Variants in PSD3 observed in about 807,000 individuals in gnomAD.
PSD3 encodes the protein pleckstrin and Sec7 domain containing 3.
Under a neutral mutation model 105.5 loss-of-function variants are expected in PSD3, and 49 were observed. That is an observed-to-expected ratio of 0.46 (90% CI 0.37 to 0.59). PSD3 has a LOEUF of 0.59. Among genes scored for constraint, PSD3 ranks in the 20% least tolerant of loss-of-function variants. The pLI is 0.00. For missense variants in PSD3, 1,561 were observed against 1,263.8 expected, an observed-to-expected ratio of 1.24 and a Z score of -3.57; for synonymous variants, 557 against 457.8, an observed-to-expected ratio of 1.22 and a Z score of -2.77.
chr8:18,635,275 T>A (rs1401984399), intron 10 of PSD3, among the ~76,000 whole-genome samples: 1 of 152,158 alleles, frequency 6.6e-6, no homozygotes, highest in African/African-American at 2.4e-5. Flanking sequence ...CCAAGGAGCC[T>A]TGGTTCTTCT....
chr8:19,071,024 A>G (rs1431335688), intron 1 of PSD3, among the ~76,000 whole-genome samples: 1 of 151,304 alleles, frequency 6.6e-6, no homozygotes, highest in Admixed American at 6.6e-5. Context: ...TTTTCTCCTG[A>G]TCATTTTTTT....
intron 9 of PSD3, among the ~76,000 whole-genome samples, chr8:18,659,386 G>C (rs901745784): frequency 6.6e-6 from 1 of 152,160 alleles, no homozygotes; most frequent in Non-Finnish European, 1.5e-5. Flanking sequence ...AACAAAATGG[G>C]ATTTCAGAAC....
At chr8:19,059,063 A>G (rs898124437) in intron 1 of PSD3, among the ~76,000 whole-genome samples, 1 of 152,222 alleles carries the variant, frequency 6.6e-6, no homozygotes, top group African/African-American at 2.4e-5. Context: ...GGTTAGCTGT[A>G]TTGAGGCTGA....
chr8:18,827,642 C>A (rs934848415), intron 4 of PSD3, among the ~76,000 whole-genome samples: 4 of 152,012 alleles, frequency 2.6e-5, no homozygotes, highest in Admixed American at 6.6e-5. Flanking sequence ...GAGGGTGAGA[C>A]TGAAGATGGG....
chr8:18,842,932 C>T (rs1465115021), intron 4 of PSD3, among the ~76,000 whole-genome samples: 1 of 152,194 alleles, frequency 6.6e-6, no homozygotes, highest in East Asian at 1.9e-4. Flanking sequence ...CAGGCATGGA[C>T]TTTCCTTGAG....
chr8:19,084,595 G>A (rs1829750150), exon 1 of PSD3: 2 of 355,778 alleles, frequency 5.6e-6, no homozygotes, highest in Admixed American at 3.7e-5. Flanking sequence ...TTGGAGGCAG[G>A]GGCCTGGCAA....
At chr8:19,010,777 T>C (rs1160941687) in intron 1 of PSD3, among the ~76,000 whole-genome samples, 3 of 152,076 alleles carry the variant, frequency 2.0e-5, no homozygotes, top group African/African-American at 7.2e-5. Flanking sequence ...ATGGATCCTG[T>C]ACTCTCCTAA....
intron 9 of PSD3, among the ~76,000 whole-genome samples, chr8:18,662,943 T>C (rs1809464090): frequency 6.6e-6 from 1 of 152,054 alleles, no homozygotes; most frequent in African/African-American, 2.4e-5. Context: ...CAGAGAAATA[T>C]TATGAGGTGG....
chr8:19,028,586 T>A (rs1053294099), intron 1 of PSD3, among the ~76,000 whole-genome samples: 1 of 152,178 alleles, frequency 6.6e-6, no homozygotes, highest in African/African-American at 2.4e-5. Context: ...ACATCCTGGA[T>A]ACAATTTATG....
intron 1 of PSD3, among the ~76,000 whole-genome samples, chr8:19,001,103 C>CTT (rs34752713): frequency 0.69 from 102,956 of 148,812 alleles, 36,318 homozygotes; most frequent in East Asian, 0.9. Context: ...TTTAAAATGA[C>CTT]TTTTTTTTTT....
chr8:18,885,886 C>G (rs1165896882), intron 2 of PSD3, among the ~76,000 whole-genome samples: 1 of 152,204 alleles, frequency 6.6e-6, no homozygotes, highest in African/African-American at 2.4e-5. Flanking sequence ...CTGTTACAAA[C>G]TTCCAGTAAA....
chr8:18,531,600 G>C lies in PSD3; in HGVS notation c.*4143C>G, dbSNP rs533585086. 6.6e-6 allele frequency: 1 copy of C among 152,334 alleles called. No individual in the cohort carries two copies. Among genetic ancestry groups the C allele is most frequent in the Non-Finnish European group, 1.5e-5 (1 of 68,106 alleles). 9.4% of individuals were successfully genotyped at this position (152,334 alleles called of 1,614,324 possible). Reference sequence around the variant, plus strand: ...AGCAGTGGCATGGCCTGGGAGACAAGATGGCCAGAAAGCTGTGGAGCAAGG... The same window carrying C: ...AGCAGTGGCATGGCCTGGGAGACAACATGGCCAGAAAGCTGTGGAGCAAGG... On this transcript the variant is annotated 3_prime_UTR_variant, in exon 16 of 16. Transcript: ENST00000327040.
intron 12 of PSD3, among the ~76,000 whole-genome samples, chr8:18,579,988 A>G (rs1423681296): frequency 6.6e-6 from 1 of 152,220 alleles, no homozygotes; most frequent in Non-Finnish European, 1.5e-5. Context: ...TAAAAATGTT[A>G]GTAATTAAAG....
At chr8:18,905,667 G>A (rs777046931) in intron 2 of PSD3, among the ~76,000 whole-genome samples, 56 of 152,054 alleles carry the variant, frequency 3.7e-4, no homozygotes, top group African/African-American at 1.3e-3. Flanking sequence ...TTTTCTATGC[G>A]TCCTTATATT....
chr8:18,779,966 T>C (rs901135977), intron 8 of PSD3, among the ~76,000 whole-genome samples: 3 of 152,236 alleles, frequency 2.0e-5, no homozygotes, highest in Admixed American at 2.0e-4. Context: ...TTAAATCCAA[T>C]ACCTCTTTGT....
chr8:18,953,894 G>C (rs1027064879), intron 1 of PSD3, among the ~76,000 whole-genome samples: 5 of 152,054 alleles, frequency 3.3e-5, no homozygotes, highest in African/African-American at 1.2e-4. Context: ...AATATGTGTA[G>C]TATGACACTT....
chr8:19,030,535 C>T (rs560244244), intron 1 of PSD3, among the ~76,000 whole-genome samples: 12 of 152,088 alleles, frequency 7.9e-5, no homozygotes, highest in East Asian at 3.9e-4. Flanking sequence ...GCACCTCTGC[C>T]GACCACACTT....
At chr8:18,792,504 C>G (rs781121680) in intron 8 of PSD3, among the ~76,000 whole-genome samples, 30 of 152,112 alleles carry the variant, frequency 2.0e-4, no homozygotes, top group Non-Finnish European at 3.8e-4. Context: ...TAAGTGGGAG[C>G]TGAATGATGA....
intron 8 of PSD3, among the ~76,000 whole-genome samples, chr8:18,793,837 T>C (rs960455379): frequency 1.3e-5 from 2 of 152,206 alleles, no homozygotes; most frequent in Non-Finnish European, 2.9e-5. Flanking sequence ...ACAATAGTGA[T>C]CATTACAGAT....
Sources: gnomAD v4.1 joint callset for allele counts (sites outside exome capture counted in the v4.1 genomes callset) on GRCh38, gnomAD v4.1.1 for gene constraint, MANE v1.5 for transcripts, NCBI Gene and HGNC (gene_info 2026-07-23, HGNC 2026-07-21) for gene names.